ZNF644: variants seen among roughly 807,000 people sequenced by gnomAD.
ZNF644 encodes the protein zinc finger motif enhancer binding protein 2.
In ZNF644, 20 loss-of-function variants were observed where a neutral mutation model predicts 108.0. The ratio of observed to expected loss-of-function variants is 0.19; its 90% CI spans 0.13 to 0.27. The LOEUF (loss-of-function observed/expected upper bound fraction) is 0.27, where lower values mean the gene tolerates loss of function less well. ZNF644 is among the 10% of genes least tolerant of loss of function. The probability of loss-of-function intolerance (pLI) is 1.00; values close to 1 mark genes in which losing one functional copy is unlikely to be tolerated. For missense variants in ZNF644, 1,338 were observed against 1,548.9 expected (o/e 0.86, Z 2.29); for synonymous variants, 542 against 539.1 (o/e 1.01, Z -0.08).
rs763560232 is a variant in ZNF644 at position 90,940,136 on chromosome 1, C to T, written c.1218G>A (p.Glu406=). The change falls in exon 3 of 6, where the codon GAG becomes GAA. Residue 406 remains glutamate, a synonymous_variant. Coordinates refer to ENST00000337393, the MANE Select transcript of ZNF644 (RefSeq NM_201269.3). ...ACTTTGTACAGGGGTAGAATGATGGCTCTTCGGTACTGAAAGTAGCAGGTG... is the reference window on the plus strand; with the variant it reads ...ACTTTGTACAGGGGTAGAATGATGGTTCTTCGGTACTGAAAGTAGCAGGTG... ...SESPATFSTE[E]PSFYPCTKCN... The T allele has an allele frequency of 1.9e-6, 3 of 1,614,058 alleles. No homozygotes were observed. The South Asian group carries it at 3.3e-5, about 18-fold the overall frequency.
chr1:90,983,835 G>A (rs1656823202), intron 1 of ZNF644, among the ~76,000 whole-genome samples: 1 of 152,208 alleles, frequency 6.6e-6, no homozygotes, highest in African/African-American at 2.4e-5. Flanking sequence ...GCTGAGGCAG[G>A]ATAATCTTGC....
chr1:90,919,983 A>G (rs890280276), intron 4 of ZNF644, among the ~76,000 whole-genome samples: 3 of 152,044 alleles, frequency 2.0e-5, no homozygotes, highest in African/African-American at 7.2e-5. Context: ...GTTATTCACA[A>G]CAACTACAAG....
intron 5 of ZNF644, among the ~76,000 whole-genome samples, chr1:90,917,707 A>T (rs1416814610): frequency 1.3e-5 from 2 of 152,226 alleles, no homozygotes; most frequent in South Asian, 2.1e-4. Context: ...CATGTTGGCC[A>T]GGCTGCTCTT....
intron 2 of ZNF644, among the ~76,000 whole-genome samples, chr1:90,971,782 TGAG>T (rs1329340796): frequency 2.0e-5 from 3 of 152,010 alleles, no homozygotes; most frequent in Non-Finnish European, 1.5e-5. Flanking sequence ...GGGGAGGGGA[TGAG>T]GAGAAGAGGT....
chr1:90,981,997 T>A (rs1326741786), intron 2 of ZNF644, among the ~76,000 whole-genome samples: 1 of 152,062 alleles, frequency 6.6e-6, no homozygotes, highest in Admixed American at 6.6e-5. Context: ...TGGTCAGAGT[T>A]CAATAAGAGT....
At chr1:91,015,426 C>T (rs1660343885) in intron 1 of ZNF644, among the ~76,000 whole-genome samples, 1 of 152,188 alleles carries the variant, frequency 6.6e-6, no homozygotes, top group South Asian at 2.1e-4. Context: ...CCACTCCTCA[C>T]TCTCATCTTG....
intron 4 of ZNF644, among the ~76,000 whole-genome samples, chr1:90,930,225 G>T (rs1249193585): frequency 6.6e-6 from 1 of 152,180 alleles, no homozygotes; most frequent in Non-Finnish European, 1.5e-5. Flanking sequence ...GGCAGAGGTT[G>T]CAGTGAGCCG....
chr1:90,939,423 G>C lies in ZNF644; in HGVS notation c.1931C>G (p.Thr644Ser). The C allele has an allele frequency of 6.2e-7, 1 of 1,613,904 alleles. No individual in the cohort carries two copies. The highest frequency in any genetic ancestry group is 8.5e-7 in the Non-Finnish European group (1 of 1,179,910). ...PVDSDSTKTL[T>S]KQQSTTFPKN... Reference sequence around the variant, plus strand: ...TGGAAATGTGGTTGACTGTTGTTTAGTTAATGTTTTAGTGCTATCACTATC... The same window carrying C: ...TGGAAATGTGGTTGACTGTTGTTTACTTAATGTTTTAGTGCTATCACTATC... The change falls in exon 3 of 6, where the codon ACT becomes AGT. Residue 644 changes from threonine (T) to serine (S), a missense_variant. Thr to Ser is a moderately conservative substitution (Grantham distance 58). Transcript: ENST00000337393.
chr1:91,012,779 C>A (rs1230625290), intron 1 of ZNF644, among the ~76,000 whole-genome samples: 4 of 152,114 alleles, frequency 2.6e-5, no homozygotes, highest in Non-Finnish European at 5.9e-5. Context: ...CCTAGGTATA[C>A]TTATATGTAT....
Position 90,915,895 on chromosome 1 carries a change from C to A in ZNF644, c.*903G>T, listed in dbSNP as rs1016606840. 1.3e-5 allele frequency: 2 copies of A among 152,454 alleles called. No individual in the cohort carries two copies. The highest frequency in any genetic ancestry group is 4.8e-5 in the African/African-American group (2 of 41,372). 9.4% of individuals were successfully genotyped at this position (152,454 alleles called of 1,614,324 possible). A position where few individuals can be genotyped will look rare whatever the true frequency, so the allele number is the denominator to read the frequency against. Reference sequence around the variant, plus strand: ...GCATTGTTTATTAATTACATTTCTACAATGTTAAATAAAGTAAGAGGCAAA... The same window carrying A: ...GCATTGTTTATTAATTACATTTCTAAAATGTTAAATAAAGTAAGAGGCAAA... On this transcript the variant is annotated 3_prime_UTR_variant, in exon 6 of 6. Transcript: ENST00000337393.
chr1:90,963,714 G>GT (rs1654559075), intron 2 of ZNF644, among the ~76,000 whole-genome samples: 1 of 151,968 alleles, frequency 6.6e-6, no homozygotes, highest in South Asian at 2.1e-4. Flanking sequence ...TCAGAAACAA[G>GT]TAAAAAAAAG....
At chr1:90,934,620 T>C (rs532563162) in intron 4 of ZNF644, among the ~76,000 whole-genome samples, 2 of 152,288 alleles carry the variant, frequency 1.3e-5, no homozygotes, top group African/African-American at 4.8e-5. Context: ...ATGAGCAGTA[T>C]TAAGAGGTAT....
chr1:90,952,033 GTCTCTCTCTCTCTCCATATT>G (rs1653231023), intron 2 of ZNF644, among the ~76,000 whole-genome samples: 1 of 151,738 alleles, frequency 6.6e-6, no homozygotes, highest in Admixed American at 6.6e-5. Flanking sequence ...TTCAGTATCT[GTCTCTCTCTCTCTCCATATT>G]TCTCTCTCTC....
At chr1:90,959,546 G>T (rs1311885690) in intron 2 of ZNF644, among the ~76,000 whole-genome samples, 3 of 152,112 alleles carry the variant, frequency 2.0e-5, no homozygotes, top group Non-Finnish European at 4.4e-5. Flanking sequence ...CCATACAATA[G>T]AATATTATTT....
intron 1 of ZNF644, among the ~76,000 whole-genome samples, chr1:91,002,069 GGAA>G (rs1658896682): frequency 6.6e-6 from 1 of 152,178 alleles, no homozygotes. Context: ...CTCATGGATA[GGAA>G]GAATCAGTAT....
intron 1 of ZNF644, among the ~76,000 whole-genome samples, chr1:91,019,550 T>G (rs1198537383): frequency 6.6e-6 from 1 of 152,180 alleles, no homozygotes; most frequent in Non-Finnish European, 1.5e-5. Flanking sequence ...AAAAACCAAG[T>G]TAACCACAGA....
At chr1:90,943,307 G>C (rs1198046450) in intron 2 of ZNF644, among the ~76,000 whole-genome samples, 1 of 152,080 alleles carries the variant, frequency 6.6e-6, no homozygotes, top group Non-Finnish European at 1.5e-5. Context: ...CAGGCGTGGT[G>C]GTGGGTGCCT....
chr1:90,998,918 C>T (rs914435270), intron 1 of ZNF644, among the ~76,000 whole-genome samples: 23 of 152,184 alleles, frequency 1.5e-4, no homozygotes, highest in Admixed American at 5.2e-4. Flanking sequence ...CTTCAGTAGC[C>T]GATCTGATCA....
At chr1:90,950,314 G>GAAAAC (rs1553151468) in intron 2 of ZNF644, among the ~76,000 whole-genome samples, 2 of 82,402 alleles carry the variant, frequency 2.4e-5, no homozygotes, top group Non-Finnish European at 5.1e-5. Flanking sequence ...GGGGACAAAA[G>GAAAAC]AAAAGAAAAC....
Sources: gnomAD v4.1 joint callset for allele counts (sites outside exome capture counted in the v4.1 genomes callset) on GRCh38, gnomAD v4.1.1 for gene constraint, MANE v1.5 for transcripts, NCBI Gene and HGNC (gene_info 2026-07-23, HGNC 2026-07-21) for gene names.